Variants in SEC22A observed in about 807,000 individuals in gnomAD.
The protein encoded by SEC22A is SEC22 homolog A, vesicle trafficking protein.
Under a neutral mutation model 35.3 loss-of-function variants are expected in SEC22A, and 22 were observed. The ratio of observed to expected loss-of-function variants is 0.62; its 90% CI spans 0.45 to 0.89. The LOEUF (loss-of-function observed/expected upper bound fraction) is 0.89. Among genes scored for constraint, SEC22A ranks in the 40% least tolerant of loss-of-function variants. SEC22A has a pLI of 0.00. For synonymous variants in SEC22A, 119 were observed against 129.5 expected (o/e 0.92, Z 0.55); for missense variants, 354 against 362.5 (o/e 0.98, Z 0.19).
chr3:123,262,673 T>A (rs1937919424), intron 6 of SEC22A, among the ~76,000 whole-genome samples: 1 of 152,200 alleles, frequency 6.6e-6, no homozygotes, highest in African/African-American at 2.4e-5. Flanking sequence ...ATGTTTAAGG[T>A]AGGCTAGGCT....
intron 4 of SEC22A, among the ~76,000 whole-genome samples, chr3:123,241,362 TAATA>T (rs988527685): frequency 7.2e-5 from 11 of 152,196 alleles, no homozygotes; most frequent in African/African-American, 2.7e-4. Flanking sequence ...CACACTTCAG[TAATA>T]AATTAGGCTC....
chr3:123,268,461 GTCT>G (rs1938073605), intron 6 of SEC22A, among the ~76,000 whole-genome samples: 1 of 152,062 alleles, frequency 6.6e-6, no homozygotes, highest in African/African-American at 2.4e-5. Context: ...ACAGTTCAGA[GTCT>G]TCTTATGCTT....
intron 1 of SEC22A, chr3:123,208,340 G>A (rs1936883109): frequency 6.6e-6 from 1 of 151,992 alleles, no homozygotes. Context: ...TTAAAATTTT[G>A]CCTGGATTTC....
rs537083213 is a variant in SEC22A at position 123,235,570 on chromosome 3, A to G, written c.541+10273A>G. 3.9e-5 allele frequency among the ~76,000 whole-genome samples: 6 copies of G among 152,330 alleles called. No individual in the cohort carries two copies. In the South Asian group the frequency reaches 1.2e-3, roughly 32 times the overall value. On this transcript the variant is annotated intron_variant, in intron 4 of 6. Transcript: ENST00000492595. ...GATATAGAGAAATTGGAATCTCCAT[A>G]CTTTGCCAGTGGGGTTGTAAAATTA... is the stretch of plus-strand genomic sequence containing the variant.
chr3:123,225,362 A>C (rs975403012), intron 4 of SEC22A, 65 bp downstream of exon 4: 15 of 947,160 alleles, frequency 1.6e-5, no homozygotes, highest in Non-Finnish European at 2.4e-5. Context: ...GAAACTCTTG[A>C]AAATGAATTA....
intron 4 of SEC22A, among the ~76,000 whole-genome samples, chr3:123,243,121 A>G (rs1484245128): frequency 6.6e-6 from 1 of 152,076 alleles, no homozygotes; most frequent in African/African-American, 2.4e-5. Flanking sequence ...CCAAACCACT[A>G]GCAATGCCCT....
intron 6 of SEC22A, among the ~76,000 whole-genome samples, chr3:123,271,100 G>A (rs1374441038): frequency 6.6e-6 from 1 of 152,156 alleles, no homozygotes; most frequent in Non-Finnish European, 1.5e-5. Flanking sequence ...TTAATACTCA[G>A]ACTCAGGTTA....
intron 5 of SEC22A, among the ~76,000 whole-genome samples, chr3:123,256,166 G>C (rs1937726460): frequency 6.6e-6 from 1 of 151,984 alleles, no homozygotes; most frequent in South Asian, 2.1e-4. Context: ...CTCTAATCTA[G>C]GAGCTAATCA....
chr3:123,204,442 G>A lies in SEC22A; in HGVS notation c.-20+2456G>A, dbSNP rs961390825. Among the ~76,000 whole-genome samples, 6 of 152,166 alleles carry A rather than the reference G, an allele frequency of 3.9e-5. 1 individual carries two copies. Among genetic ancestry groups the A allele is most frequent in the African/African-American group, 1.4e-4 (6 of 41,436 alleles). ...TGTTTTTATCTTAAAAGTGGCATTT[G>A]TGAAAGCATTTGGTTAGAACGTATA... On this transcript the variant is annotated intron_variant, in intron 1 of 6. Coordinates refer to ENST00000492595, the MANE Select transcript of SEC22A (RefSeq NM_012430.5).
chr3:123,236,312 G>C (rs974985576), intron 4 of SEC22A, among the ~76,000 whole-genome samples: 2 of 152,260 alleles, frequency 1.3e-5, no homozygotes, highest in East Asian at 3.9e-4. Flanking sequence ...CTGAGTACAT[G>C]TAGAAAAGCT....
At chr3:123,265,406 A>G (rs1057511253) in intron 6 of SEC22A, among the ~76,000 whole-genome samples, 2 of 151,884 alleles carry the variant, frequency 1.3e-5, no homozygotes, top group African/African-American at 2.4e-5. Flanking sequence ...TTAAAAAAAA[A>G]TGGTTTCAGA....
intron 2 of SEC22A, among the ~76,000 whole-genome samples, chr3:123,212,564 TA>T (rs1156834175): frequency 6.6e-6 from 1 of 152,074 alleles, no homozygotes; most frequent in Non-Finnish European, 1.5e-5. Context: ...CTTTTAAAAT[TA>T]AAAAAATTTA....
At chr3:123,238,979 AT>A (rs983681067) in intron 4 of SEC22A, among the ~76,000 whole-genome samples, 1 of 152,174 alleles carries the variant, frequency 6.6e-6, no homozygotes, top group Non-Finnish European at 1.5e-5. Context: ...CGATATCAAC[AT>A]TTTGCCATTC....
chr3:123,238,244 G>A (rs1382215629), intron 4 of SEC22A, among the ~76,000 whole-genome samples: 3 of 152,088 alleles, frequency 2.0e-5, no homozygotes, highest in Admixed American at 2.0e-4. Context: ...CACCCAGCAG[G>A]CTTGAGTGCA....
intron 6 of SEC22A, among the ~76,000 whole-genome samples, chr3:123,270,437 T>C (rs1046799304): frequency 6.6e-6 from 1 of 152,240 alleles, no homozygotes; most frequent in African/African-American, 2.4e-5. Flanking sequence ...TTCTGAAGCC[T>C]GGACACAGTT....
chr3:123,227,444 G>A lies in SEC22A; in HGVS notation c.541+2147G>A, dbSNP rs535997481. ...ACACAGGGAGGGGAACATCACACAC[G>A]GGGGCCTGTCAAGGGGTTGGGGGCA... On this transcript the variant is annotated intron_variant, in intron 4 of 6. Transcript: ENST00000492595. 5.0e-4 allele frequency among the ~76,000 whole-genome samples: 76 copies of A among 152,022 alleles called. 1 individual carries two copies. The highest frequency in any genetic ancestry group is 3.4e-3 in the Middle Eastern group (1 of 294).
chr3:123,234,779 T>G (rs1028998528), intron 4 of SEC22A, among the ~76,000 whole-genome samples: 14 of 152,144 alleles, frequency 9.2e-5, no homozygotes, highest in Non-Finnish European at 4.4e-5. Flanking sequence ...TCCCAGCACT[T>G]TGGGAGGCCA....
At position 123,273,607 on chromosome 3, in the gene SEC22A, G is replaced by C. The variant is rs1423080459; in HGVS notation, c.*1885G>C. ...AGATCACTTGAGACCAGTAGTTTGAGAATCAGCCTGGCCAACGTGGTGAAA... is the reference window on the plus strand; with the variant it reads ...AGATCACTTGAGACCAGTAGTTTGACAATCAGCCTGGCCAACGTGGTGAAA... On this transcript the variant is annotated 3_prime_UTR_variant, in exon 7 of 7. Coordinates refer to ENST00000492595, the MANE Select transcript of SEC22A (RefSeq NM_012430.5). 6.6e-6 allele frequency: 1 copy of C among 152,118 alleles called. No individual in the cohort carries two copies. The allele number at this position is 152,118 out of a possible 1,614,324, so 9.4% of individuals were successfully genotyped here. A position where few individuals can be genotyped will look rare whatever the true frequency, so the allele number is the denominator to read the frequency against.
intron 6 of SEC22A, among the ~76,000 whole-genome samples, chr3:123,262,107 C>A (rs1485225260): frequency 2.6e-5 from 4 of 152,208 alleles, no homozygotes; most frequent in Admixed American, 2.0e-4. Context: ...TTATGTTTTA[C>A]CATATAACAT....
Sources: allele counts gnomAD v4.1 joint callset (sites outside exome capture counted in the v4.1 genomes callset), GRCh38; gene constraint gnomAD v4.1.1; transcripts MANE v1.5; gene names NCBI Gene and HGNC (gene_info 2026-07-23, HGNC 2026-07-21).